Variants in CNOT6 observed in about 807,000 individuals in gnomAD.
The protein encoded by CNOT6 is carbon catabolite repression 4 protein.
In CNOT6, 12 loss-of-function variants were observed where a neutral mutation model predicts 61.2. The observed-to-expected ratio is 0.20, with a 90% CI of 0.13 to 0.32. CNOT6 has a LOEUF of 0.32. Among genes scored for constraint, CNOT6 ranks in the 10% least tolerant of loss-of-function variants. The pLI, the probability that CNOT6 is intolerant of heterozygous loss-of-function variation, is 1.00. For synonymous variants in CNOT6, 225 were observed against 240.6 expected (o/e 0.94, Z 0.60); for missense variants, 405 against 663.9 (o/e 0.61, Z 4.28).
At chr5:180,532,451 C>T (rs543201081) in intron 2 of CNOT6, among the ~76,000 whole-genome samples, 1 of 152,286 alleles carries the variant, frequency 6.6e-6, no homozygotes, top group East Asian at 1.9e-4. Context: ...TCTCTGCTTA[C>T]CCTGAACTTT....
intron 4 of CNOT6, among the ~76,000 whole-genome samples, chr5:180,556,272 G>A (rs561323044): frequency 3.3e-5 from 5 of 152,320 alleles, no homozygotes; most frequent in Non-Finnish European, 7.4e-5. Context: ...GGGGACGGGG[G>A]ACAGAGTGGA....
At position 180,497,841 on chromosome 5, in the gene CNOT6, C is replaced by T. The variant is rs992128505; in HGVS notation, c.-3+3078C>T. ...GGCGGATCACTTGAGGTTAGGAGTT[C>T]GAGACCAGCCTGACCAAGATGGAGA... On this transcript the variant is annotated intron_variant, in intron 1 of 11. Transcript: ENST00000261951. Among the ~76,000 whole-genome samples, 5 of 151,866 alleles carry T rather than the reference C, an allele frequency of 3.3e-5. No individual in the cohort carries two copies. In the South Asian group the frequency reaches 1.0e-3, roughly 32 times the overall value.
At chr5:180,508,500 CG>C (rs1447142119) in intron 1 of CNOT6, among the ~76,000 whole-genome samples, 1 of 151,912 alleles carries the variant, frequency 6.6e-6, no homozygotes, top group Admixed American at 6.6e-5. Context: ...TTATTAGAGA[CG>C]GGGTTTCACC....
intron 2 of CNOT6, among the ~76,000 whole-genome samples, chr5:180,543,198 A>G (rs1200427884): frequency 2.6e-5 from 4 of 152,104 alleles, no homozygotes; most frequent in African/African-American, 4.8e-5. Context: ...AGCTGGGACT[A>G]CAGGTGCCTA....
At chr5:180,510,195 C>CCAGGCTGGA (rs1757329435) in intron 1 of CNOT6, among the ~76,000 whole-genome samples, 1 of 108,478 alleles carries the variant, frequency 9.2e-6, no homozygotes, top group African/African-American at 3.5e-5. Flanking sequence ...TCTGTGTTGC[C>CCAGGCTGGA]CAGGCTGGAG....
intron 1 of CNOT6, among the ~76,000 whole-genome samples, chr5:180,515,096 T>C (rs1757572096): frequency 6.6e-6 from 1 of 152,010 alleles, no homozygotes; most frequent in Non-Finnish European, 1.5e-5. Flanking sequence ...AGGTTGTCTT[T>C]GATAAAGAGA....
Position 180,550,115 on chromosome 5 carries a change from C to T in CNOT6, c.297C>T (p.Leu99=). The T allele has an allele frequency of 1.2e-6, 2 of 1,612,896 alleles. No individual in the cohort carries two copies. Among genetic ancestry groups the T allele is most frequent in the Non-Finnish European group, 1.7e-6 (2 of 1,178,970 alleles). The part of the protein sequence containing the change: ...LPAELGNMVS[L]RELHLNNNLL... ...CAGAACTCGGAAACATGGTATCACT[C>T]AGGTATGCAGATTCAACTTAATACA... Residue 99 remains leucine, a splice_region_variant and synonymous_variant, in exon 3 of 12, where the codon CTC becomes CTT. Transcript: ENST00000261951.
intron 1 of CNOT6, among the ~76,000 whole-genome samples, chr5:180,513,673 TTTTA>T (rs137914888): frequency 6.1e-5 from 9 of 146,924 alleles, no homozygotes; most frequent in South Asian, 2.2e-4. Flanking sequence ...TGCCTGGCCC[TTTTA>T]TTTATTTATT....
intron 4 of CNOT6, among the ~76,000 whole-genome samples, chr5:180,555,582 A>G (rs1759842152): frequency 1.3e-5 from 2 of 151,874 alleles, no homozygotes; most frequent in Admixed American, 6.6e-5. Flanking sequence ...AAATCCTTTT[A>G]TTTTTTCTGA....
intron 4 of CNOT6, among the ~76,000 whole-genome samples, chr5:180,558,603 C>T (rs1760020336): frequency 6.9e-6 from 1 of 144,402 alleles, no homozygotes; most frequent in South Asian, 2.2e-4. Context: ...GTATTTCCTT[C>T]CTTCCTTCTT....
At chr5:180,501,993 A>G (rs1215302726) in intron 1 of CNOT6, among the ~76,000 whole-genome samples, 1 of 152,084 alleles carries the variant, frequency 6.6e-6, no homozygotes, top group Non-Finnish European at 1.5e-5. Flanking sequence ...GGAGGAGCAA[A>G]TGGGAGGTTA....
chr5:180,535,545 T>G (rs1758641261), intron 2 of CNOT6, among the ~76,000 whole-genome samples: 1 of 152,248 alleles, frequency 6.6e-6, no homozygotes, highest in Non-Finnish European at 1.5e-5. Flanking sequence ...TGCATTTTCT[T>G]TATCCAGTCA....
At chr5:180,531,867 C>T (rs903944893) in intron 2 of CNOT6, among the ~76,000 whole-genome samples, 4 of 152,222 alleles carry the variant, frequency 2.6e-5, no homozygotes, top group Non-Finnish European at 5.9e-5. Context: ...GCCTGCAATC[C>T]CAGGCACTCT....
At chr5:180,531,058 C>T (rs1291223215) in intron 2 of CNOT6, among the ~76,000 whole-genome samples, 1 of 152,190 alleles carries the variant, frequency 6.6e-6, no homozygotes, top group Non-Finnish European at 1.5e-5. Context: ...GTCATCATGG[C>T]CCGTTCTCAA....
At chr5:180,504,010 G>A (rs6888064) in intron 1 of CNOT6, among the ~76,000 whole-genome samples, 69,575 of 151,964 alleles carry the variant, frequency 0.46, 17,149 homozygotes, top group Non-Finnish European at 0.56. Flanking sequence ...ATTTATAACC[G>A]TTTACACTAG....
At chr5:180,539,304 A>AG (rs1351070552) in intron 2 of CNOT6, among the ~76,000 whole-genome samples, 1 of 150,946 alleles carries the variant, frequency 6.6e-6, no homozygotes, top group African/African-American at 2.4e-5. Context: ...ACAAAAAAAA[A>AG]CTGCATTTCC....
At chr5:180,537,575 C>A (rs1185847441) in intron 2 of CNOT6, among the ~76,000 whole-genome samples, 1 of 152,046 alleles carries the variant, frequency 6.6e-6, no homozygotes, top group East Asian at 1.9e-4. Context: ...TTGTCTTACT[C>A]TTTTGACCGT....
chr5:180,500,096 TCTTTTTTTTTC>T (rs1162263373), intron 1 of CNOT6, among the ~76,000 whole-genome samples: 1 of 119,066 alleles, frequency 8.4e-6, no homozygotes, highest in Non-Finnish European at 2.1e-5. Flanking sequence ...CCTTTTCTTT[TCTTTTTTTTTC>T]CCCCCTTTTT....
intron 1 of CNOT6, among the ~76,000 whole-genome samples, chr5:180,512,213 G>A (rs1344358731): frequency 2.0e-5 from 3 of 152,208 alleles, no homozygotes; most frequent in African/African-American, 7.2e-5. Context: ...CATGGTTCTG[G>A]TTTTGTGAGA....
Sources: gnomAD v4.1 joint callset for allele counts (sites outside exome capture counted in the v4.1 genomes callset) on GRCh38, gnomAD v4.1.1 for gene constraint, MANE v1.5 for transcripts, NCBI Gene and HGNC (gene_info 2026-07-23, HGNC 2026-07-21) for gene names.